RPTOR: variants seen among roughly 807,000 people sequenced by gnomAD.
The protein encoded by RPTOR is regulatory associated protein of MTOR complex 1, also known as regulatory-associated protein of mTOR.
RPTOR carries 21 observed loss-of-function variants against 169.9 expected under a neutral mutation model. The observed-to-expected ratio is 0.12, with a 90% CI of 0.09 to 0.18. The LOEUF is 0.18. Among genes scored for constraint, RPTOR ranks in the 10% least tolerant of loss-of-function variants. RPTOR has a pLI of 1.00. For missense variants in RPTOR, 1,133 were observed against 1,855.9 expected, an observed-to-expected ratio of 0.61 and a Z score of 7.16; for synonymous variants, 732 against 753.2, an observed-to-expected ratio of 0.97 and a Z score of 0.46.
At chr17:80,785,490 G>T (rs1175014064) in intron 6 of RPTOR, among the ~76,000 whole-genome samples, 1 of 152,186 alleles carries the variant, frequency 6.6e-6, no homozygotes, top group Non-Finnish European at 1.5e-5. Context: ...AGGTTCTTCG[G>T]CACTAGTGAG....
chr17:80,810,386 T>C (rs1394374450), intron 7 of RPTOR, among the ~76,000 whole-genome samples: 2 of 149,466 alleles, frequency 1.3e-5, no homozygotes, highest in Non-Finnish European at 3.0e-5. Flanking sequence ...GTTCCAGCAC[T>C]GTTTGTGGAA....
chr17:80,838,807 C>G (rs2067595272), intron 10 of RPTOR, among the ~76,000 whole-genome samples: 1 of 152,180 alleles, frequency 6.6e-6, no homozygotes, highest in African/African-American at 2.4e-5. Context: ...AGCCACAGAG[C>G]CTAGCTTTGC....
rs2065601060 is a variant in RPTOR, at chr17:80,646,993, T to G, written c.348+3183T>G. On this transcript the variant is annotated intron_variant, in intron 3 of 33. Transcript: ENST00000306801. This position sits in a 1 kb window ranked among gnomAD's most constrained non-coding sequence, Gnocchi z 5.0. ...TGTCTGGAAGCCTCTGATGATTTCC[T>G]TGCTGGTGCTGGAACGCTTGGACTT... is the stretch of plus-strand genomic sequence containing the variant. Among the ~76,000 whole-genome samples, 1 of 152,198 alleles carries G rather than the reference T, an allele frequency of 6.6e-6. No individual in the cohort carries two copies. Among genetic ancestry groups the G allele is most frequent in the Non-Finnish European group, 1.5e-5 (1 of 68,032 alleles).
intron 1 of RPTOR, 105 bp from the exon 2 acceptor site, chr17:80,625,586 T>A: frequency 1.2e-6 from 1 of 826,426 alleles, no homozygotes; most frequent in Non-Finnish European, 2.0e-6. Flanking sequence ...GGCAGGTGGG[T>A]AGGGAAGGGG....
intron 2 of RPTOR, among the ~76,000 whole-genome samples, chr17:80,635,620 AG>A (rs1213960122): frequency 6.6e-6 from 1 of 152,160 alleles, no homozygotes; most frequent in Non-Finnish European, 1.5e-5. Context: ...TAGAGGACCC[AG>A]GGGAGGTCAG....
intron 3 of RPTOR, among the ~76,000 whole-genome samples, chr17:80,649,599 T>G (rs2065623668): frequency 6.6e-6 from 1 of 152,184 alleles, no homozygotes; most frequent in South Asian, 2.1e-4. Flanking sequence ...ACTTTGCCTG[T>G]GTACTCATTA....
chr17:80,703,402 A>C (rs550644661), intron 3 of RPTOR, among the ~76,000 whole-genome samples: 1 of 152,156 alleles, frequency 6.6e-6, no homozygotes, highest in East Asian at 1.9e-4. Flanking sequence ...GCAGGCGCTC[A>C]CCCCACCTGG....
In RPTOR at chr17:80,695,766, CT is replaced by C. The variant is rs2066031048; in HGVS notation, c.349-12072del. 6.6e-6 allele frequency among the ~76,000 whole-genome samples: 1 copy of C among 152,236 alleles called. No individual in the cohort carries two copies. Among genetic ancestry groups the C allele is most frequent in the Non-Finnish European group, 1.5e-5 (1 of 68,042 alleles). On this transcript the variant is annotated intron_variant, in intron 3 of 33. Coordinates refer to ENST00000306801, the MANE Select transcript of RPTOR (RefSeq NM_020761.3). The surrounding 1 kb of genome is among the most constrained non-coding windows in gnomAD (Gnocchi z 4.9). ...GAAAAACAAGTCGCTTGAGGCCCAT[CT>C]TTACAGAGTGACAGGAGCTCAGGAT...
At chr17:80,843,770 G>A (rs1247722776) in intron 10 of RPTOR, among the ~76,000 whole-genome samples, 1 of 152,232 alleles carries the variant, frequency 6.6e-6, no homozygotes, top group African/African-American at 2.4e-5. Flanking sequence ...GGTATGCTCA[G>A]GTTGTTGGTA....
At chr17:80,822,689 G>T (rs1169114603) in intron 8 of RPTOR, among the ~76,000 whole-genome samples, 4 of 152,182 alleles carry the variant, frequency 2.6e-5, no homozygotes. Context: ...TCACATGTAC[G>T]TATATGTGCA....
chr17:80,881,936 T>G (rs960533414), intron 14 of RPTOR, among the ~76,000 whole-genome samples: 3 of 152,278 alleles, frequency 2.0e-5, no homozygotes, highest in Non-Finnish European at 4.4e-5. Flanking sequence ...GTGCCTGTTA[T>G]GAGAAAACAT....
intron 3 of RPTOR, among the ~76,000 whole-genome samples, chr17:80,650,882 A>G (rs2065633960): frequency 1.3e-5 from 2 of 152,106 alleles, no homozygotes; most frequent in Admixed American, 6.5e-5. Context: ...CTCTTCCTCT[A>G]TTAATTGACC....
rs376320790 is a variant in RPTOR, at chr17:80,850,468, G to A, written c.1314+3894G>A. Among the ~76,000 whole-genome samples the A allele has an allele frequency of 2.0e-3, 307 of 152,328 alleles. 1 individual carries two copies. Among genetic ancestry groups the A allele is most frequent in the African/African-American group, 7.1e-3 (295 of 41,568 alleles). ...CTCATCCAGTCCTCTGTTGAGGGGT[G>A]ATCTCGGCTCACTGCAGCCGGAGCT... On this transcript the variant is annotated intron_variant, in intron 11 of 33. Transcript: ENST00000306801.
intron 6 of RPTOR, among the ~76,000 whole-genome samples, chr17:80,761,728 A>G (rs2066738342): frequency 6.6e-6 from 1 of 152,214 alleles, no homozygotes; most frequent in South Asian, 2.1e-4. Context: ...CTGCTTTGCC[A>G]GAGAACACAC....
At chr17:80,761,128 T>C (rs2066732820) in intron 6 of RPTOR, among the ~76,000 whole-genome samples, 1 of 152,230 alleles carries the variant, frequency 6.6e-6, no homozygotes, top group Non-Finnish European at 1.5e-5. Flanking sequence ...ATCCAAAATA[T>C]ATTTTTTCCC....
At chr17:80,925,513 C>T in intron 24 of RPTOR, 33 bp downstream of exon 24, 1 of 1,514,032 alleles carries the variant, frequency 6.6e-7, no homozygotes. Context: ...AGAGTAGAGT[C>T]CTAGCGAACA....
intron 3 of RPTOR, among the ~76,000 whole-genome samples, chr17:80,704,109 G>A (rs2066124106): frequency 6.6e-6 from 1 of 152,138 alleles, no homozygotes. Context: ...GACTGAACCC[G>A]TCCTACGTGT....
intron 24 of RPTOR, among the ~76,000 whole-genome samples, chr17:80,932,832 T>C (rs2068914762): frequency 6.6e-6 from 1 of 151,976 alleles, no homozygotes; most frequent in Non-Finnish European, 1.5e-5. Flanking sequence ...CACACACATA[T>C]ACACACACAG....
Position 80,878,433 on chromosome 17 carries a change from G to C in RPTOR, c.1510-1982G>C, listed in dbSNP as rs574866537. Among the ~76,000 whole-genome samples, 7 of 151,690 alleles carry C rather than the reference G, an allele frequency of 4.6e-5. No individual in the cohort carries two copies. The highest frequency in any genetic ancestry group is 1.0e-4 in the Non-Finnish European group (7 of 67,978). On this transcript the variant is annotated intron_variant, in intron 13 of 33. Transcript: ENST00000306801. The surrounding 1 kb of genome is among the most constrained non-coding windows in gnomAD (Gnocchi z 4.1). Reference sequence around the variant, plus strand: ...GCGATCTCAGCTCACTACAGCCTCCGCCTCCCAGGTTCCAGCGATTCTCCT... The same window carrying C: ...GCGATCTCAGCTCACTACAGCCTCCCCCTCCCAGGTTCCAGCGATTCTCCT...
Sources: allele counts gnomAD v4.1 joint callset (sites outside exome capture counted in the v4.1 genomes callset), GRCh38; gene constraint gnomAD v4.1.1; non-coding constraint Gnocchi (gnomAD v3.1); transcripts MANE v1.5; gene names NCBI Gene and HGNC (gene_info 2026-07-23, HGNC 2026-07-21).